Variants in GPC5 observed in about 807,000 individuals in gnomAD.
GPC5 encodes the protein glypican 5, also known as glypican-5.
Under a neutral mutation model 53.9 loss-of-function variants are expected in GPC5, and 47 were observed. The observed-to-expected ratio is 0.87, with a 90% CI of 0.69 to 1.11. GPC5 has a LOEUF of 1.11. GPC5 is among the 50% of genes most tolerant of loss of function. The pLI, the probability that GPC5 is intolerant of heterozygous loss-of-function variation, is 0.00. For synonymous variants in GPC5, 286 were observed against 263.3 expected (o/e 1.09, Z -0.84); for missense variants, 748 against 713.1 (o/e 1.05, Z -0.56).
intron 7 of GPC5, among the ~76,000 whole-genome samples, chr13:92,756,566 G>C (rs1391114950): frequency 6.6e-6 from 1 of 151,544 alleles, no homozygotes; most frequent in Non-Finnish European, 1.5e-5. Context: ...CGACATGATT[G>C]TATATCTAGA....
At chr13:92,712,868 A>G (rs562412869) in intron 7 of GPC5, among the ~76,000 whole-genome samples, 2 of 152,314 alleles carry the variant, frequency 1.3e-5, no homozygotes, top group South Asian at 2.1e-4. Flanking sequence ...ACACTTACAC[A>G]TGGAAGACCA....
intron 7 of GPC5, among the ~76,000 whole-genome samples, chr13:92,228,084 G>A (rs1374874168): frequency 5.9e-5 from 9 of 151,544 alleles, no homozygotes; most frequent in African/African-American, 2.2e-4. Flanking sequence ...TGAGTAGGCT[G>A]AGGAGGAGGA....
rs1880972629 is a variant in GPC5 at position 91,448,751 on chromosome 13, T to A, written c.164-10T>A. 6.2e-7 allele frequency: 1 copy of A among 1,608,410 alleles called. No homozygotes were observed. Among genetic ancestry groups the A allele is most frequent in the Admixed American group, 1.7e-5 (1 of 58,558 alleles). On this transcript the variant is annotated splice_polypyrimidine_tract_variant and intron_variant, in intron 1 of 7. Coordinates refer to ENST00000377067, the MANE Select transcript of GPC5 (RefSeq NM_004466.6). ...CAGGTAATCATTCTGAAAAATGTTG[T>A]GTGTTCCAGGACCTGATCTTCAGGT...
chr13:92,252,159 G>A (rs2042696909), intron 7 of GPC5, among the ~76,000 whole-genome samples: 1 of 152,092 alleles, frequency 6.6e-6, no homozygotes, highest in Non-Finnish European at 1.5e-5. Context: ...CACATGACTG[G>A]CCTCTGTGAC....
At chr13:91,545,527 T>C (rs1442038027) in intron 2 of GPC5, among the ~76,000 whole-genome samples, 1 of 152,098 alleles carries the variant, frequency 6.6e-6, no homozygotes, top group African/African-American at 2.4e-5. Context: ...TTCATTACTA[T>C]TATAAAAAAT....
chr13:92,671,481 C>G lies in GPC5; in HGVS notation c.1562-194801C>G, dbSNP rs1054616098. 6.9e-4 allele frequency among the ~76,000 whole-genome samples: 105 copies of G among 152,244 alleles called. 1 individual carries two copies. The highest frequency in any genetic ancestry group is 2.5e-3 in the African/African-American group (104 of 41,554). ...TCTAGCTTTTCTGCATTTGTGATCC[C>G]TTTGTACTATTTTTTCTGTTAGGAA... On this transcript the variant is annotated intron_variant, in intron 7 of 7. Transcript: ENST00000377067.
chr13:91,676,447 G>A (rs342684), intron 2 of GPC5, among the ~76,000 whole-genome samples: 37,143 of 151,942 alleles, frequency 0.24, 6,557 homozygotes, highest in African/African-American at 0.5. Flanking sequence ...ATGGATATAG[G>A]TGTACTCAGA....
At chr13:91,895,061 A>C (rs1454118684) in intron 5 of GPC5, among the ~76,000 whole-genome samples, 1 of 151,966 alleles carries the variant, frequency 6.6e-6, no homozygotes, top group East Asian at 1.9e-4. Flanking sequence ...CTTAAAAAAA[A>C]AAAAAAAGGC....
intron 5 of GPC5, among the ~76,000 whole-genome samples, chr13:91,894,291 T>C (rs1029870422): frequency 1.7e-4 from 26 of 152,192 alleles, no homozygotes; most frequent in Admixed American, 1.2e-3. Flanking sequence ...TTGGCTTGCA[T>C]GCCATAACCA....
At chr13:91,863,461 T>G (rs767123269) in intron 5 of GPC5, among the ~76,000 whole-genome samples, 5 of 152,198 alleles carry the variant, frequency 3.3e-5, no homozygotes, top group African/African-American at 7.2e-5. Flanking sequence ...TAGTACCTAG[T>G]GCAAAACACT....
chr13:92,588,529 T>C (rs776134735), intron 7 of GPC5, among the ~76,000 whole-genome samples: 3 of 152,226 alleles, frequency 2.0e-5, no homozygotes, highest in Non-Finnish European at 4.4e-5. Flanking sequence ...CCCTTTTGAA[T>C]AGCTCTCCCT....
chr13:92,563,933 T>C (rs563009591), intron 7 of GPC5, among the ~76,000 whole-genome samples: 1 of 151,972 alleles, frequency 6.6e-6, no homozygotes, highest in Non-Finnish European at 1.5e-5. Flanking sequence ...GTGATCTTCA[T>C]CATCATCCAT....
chr13:92,178,275 T>C (rs1010656015), intron 7 of GPC5, among the ~76,000 whole-genome samples: 1 of 152,122 alleles, frequency 6.6e-6, no homozygotes, highest in Non-Finnish European at 1.5e-5. Flanking sequence ...CTGAAAAGCA[T>C]GTCAGCAGAT....
chr13:92,349,705 TCTG>T (rs2043459675), intron 7 of GPC5, among the ~76,000 whole-genome samples: 4 of 151,886 alleles, frequency 2.6e-5, no homozygotes, highest in Admixed American at 6.6e-5. Flanking sequence ...AAATAAAAAA[TCTG>T]AAATGACCAA....
chr13:92,559,956 A>C (rs1363238912), intron 7 of GPC5, among the ~76,000 whole-genome samples: 4 of 151,088 alleles, frequency 2.6e-5, no homozygotes, highest in Non-Finnish European at 5.9e-5. Flanking sequence ...CATTAATTTC[A>C]AAAATGCAAG....
intron 7 of GPC5, among the ~76,000 whole-genome samples, chr13:92,301,466 C>G (rs1181316020): frequency 6.6e-6 from 1 of 152,158 alleles, no homozygotes; most frequent in African/African-American, 2.4e-5. Flanking sequence ...TAGGTTCTTG[C>G]AAAATACCGA....
At chr13:91,432,863 G>A (rs1879603889) in intron 1 of GPC5, among the ~76,000 whole-genome samples, 1 of 152,070 alleles carries the variant, frequency 6.6e-6, no homozygotes, top group African/African-American at 2.4e-5. Context: ...TCAGCAATGT[G>A]CTCCTCTTAT....
chr13:91,692,732 C>T (rs1243180831), intron 2 of GPC5, among the ~76,000 whole-genome samples: 1 of 152,196 alleles, frequency 6.6e-6, no homozygotes, highest in Non-Finnish European at 1.5e-5. Flanking sequence ...CAACCTCCGC[C>T]TCCCAGGTTC....
chr13:91,941,825 A>G (rs1249850996), intron 6 of GPC5, among the ~76,000 whole-genome samples: 1 of 152,208 alleles, frequency 6.6e-6, no homozygotes, highest in Non-Finnish European at 1.5e-5. Context: ...ATTTGCATAC[A>G]TGTTTCCAAG....
Sources: allele counts gnomAD v4.1 joint callset (sites outside exome capture counted in the v4.1 genomes callset), GRCh38; gene constraint gnomAD v4.1.1; transcripts MANE v1.5; gene names NCBI Gene and HGNC (gene_info 2026-07-23, HGNC 2026-07-21).